Variants in MEI4 observed in about 807,000 individuals in gnomAD.
The protein encoded by MEI4 is meiotic double-stranded break formation protein 4, also known as meiosis-specific protein MEI4.
A neutral mutation model predicts 31.4 loss-of-function variants in MEI4; 27 were observed. The ratio of observed to expected loss-of-function variants is 0.86; its 90% CI spans 0.63 to 1.19. MEI4 has a LOEUF of 1.19. Among genes scored for constraint, MEI4 ranks in the 50% most tolerant of loss-of-function variants. The probability of loss-of-function intolerance (pLI) is 0.00; values close to 1 mark genes in which losing one functional copy is unlikely to be tolerated. For missense variants in MEI4, 329 were observed against 398.9 expected (o/e 0.82, Z 1.49); for synonymous variants, 122 against 145.4 (o/e 0.84, Z 1.16).
chr6:77,801,381 C>A (rs1391717901), intron 3 of MEI4, among the ~76,000 whole-genome samples: 1 of 152,064 alleles, frequency 6.6e-6, no homozygotes, highest in Non-Finnish European at 1.5e-5. Context: ...TCTCTGTTTT[C>A]TTCTTTTTTA....
chr6:77,673,490 C>A (rs1768784742), intron 1 of MEI4, among the ~76,000 whole-genome samples: 1 of 152,208 alleles, frequency 6.6e-6, no homozygotes, highest in African/African-American at 2.4e-5. Context: ...GCCCTCTCTT[C>A]TGAAGGCTAG....
chr6:77,712,597 G>A (rs1766491273), intron 2 of MEI4, among the ~76,000 whole-genome samples: 1 of 152,176 alleles, frequency 6.6e-6, no homozygotes, highest in African/African-American at 2.4e-5. Context: ...ACTAATGAAT[G>A]ATCATAATCA....
intron 1 of MEI4, among the ~76,000 whole-genome samples, chr6:77,664,190 T>A (rs1768574798): frequency 6.6e-6 from 1 of 152,112 alleles, no homozygotes; most frequent in South Asian, 2.1e-4. Flanking sequence ...TTAAATCCTG[T>A]TGTGGGGTTT....
intron 3 of MEI4, among the ~76,000 whole-genome samples, chr6:77,771,156 C>T (rs1199667894): frequency 2.0e-5 from 3 of 152,028 alleles, no homozygotes; most frequent in African/African-American, 7.2e-5. Context: ...CAAAAGAAGA[C>T]ATACATGTGG....
intron 2 of MEI4, among the ~76,000 whole-genome samples, chr6:77,759,822 A>G (rs1274678949): frequency 6.6e-6 from 1 of 152,182 alleles, no homozygotes; most frequent in Admixed American, 6.5e-5. Flanking sequence ...TTCGCCTCAA[A>G]TAAGCCCTTC....
chr6:77,757,050 G>A (rs1444513209), intron 2 of MEI4, among the ~76,000 whole-genome samples: 3 of 152,276 alleles, frequency 2.0e-5, no homozygotes, highest in South Asian at 2.1e-4. Flanking sequence ...GAAGGTGATT[G>A]GACTTGGAAT....
chr6:77,746,745 A>T (rs1340443829), intron 2 of MEI4, among the ~76,000 whole-genome samples: 2 of 151,928 alleles, frequency 1.3e-5, no homozygotes, highest in Admixed American at 6.6e-5. Context: ...AATCAGGATA[A>T]CATAGTGCTT....
At chr6:77,916,482 T>A (rs866322179) in intron 4 of MEI4, among the ~76,000 whole-genome samples, 1 of 152,072 alleles carries the variant, frequency 6.6e-6, no homozygotes, top group Non-Finnish European at 1.5e-5. Context: ...TTGGTTGATG[T>A]TGATCAGATT....
chr6:77,830,106 A>C (rs2127711684), intron 4 of MEI4, among the ~76,000 whole-genome samples: 1 of 152,242 alleles, frequency 6.6e-6, no homozygotes, highest in Middle Eastern at 3.4e-3. Context: ...AGGAGTTCCA[A>C]GATCAAGGAA....
At chr6:77,793,973 C>A (rs1769008998) in intron 3 of MEI4, among the ~76,000 whole-genome samples, 1 of 152,020 alleles carries the variant, frequency 6.6e-6, no homozygotes, top group African/African-American at 2.4e-5. Context: ...GGATTAAATT[C>A]TTCAATCAAA....
At chr6:77,865,363 T>A (rs1770994981) in intron 4 of MEI4, among the ~76,000 whole-genome samples, 1 of 151,208 alleles carries the variant, frequency 6.6e-6, no homozygotes, top group Non-Finnish European at 1.5e-5. Flanking sequence ...GAGAGAAGAA[T>A]CAAATAGACG....
At chr6:77,749,776 A>G (rs1251724460) in intron 2 of MEI4, among the ~76,000 whole-genome samples, 1 of 152,186 alleles carries the variant, frequency 6.6e-6, no homozygotes, top group African/African-American at 2.4e-5. Context: ...GAACACCACA[A>G]AGATACTCCT....
At chr6:77,887,731 G>T (rs1460626209) in intron 4 of MEI4, among the ~76,000 whole-genome samples, 5 of 152,184 alleles carry the variant, frequency 3.3e-5, no homozygotes, top group African/African-American at 1.2e-4. Flanking sequence ...CTATGTGTTG[G>T]TTAGTATAAT....
chr6:77,873,665 A>G (rs865872209), intron 4 of MEI4, among the ~76,000 whole-genome samples: 32 of 152,330 alleles, frequency 2.1e-4, no homozygotes, highest in Non-Finnish European at 1.0e-4. Context: ...TGTTTTACAC[A>G]TGAAGTCCTT....
chr6:77,746,631 T>G (rs111250674), intron 2 of MEI4, among the ~76,000 whole-genome samples: 7 of 134,290 alleles, frequency 5.2e-5, no homozygotes, highest in Admixed American at 1.6e-4. Flanking sequence ...TTTCTTAAAA[T>G]ATATGGCGTG....
intron 3 of MEI4, among the ~76,000 whole-genome samples, chr6:77,786,008 C>T (rs943248684): frequency 3.3e-5 from 5 of 152,028 alleles, no homozygotes; most frequent in African/African-American, 1.2e-4. Flanking sequence ...CAGAGTTTTA[C>T]CTTGTTTTTG....
chr6:77,794,805 TA>T (rs1769035416), intron 3 of MEI4, among the ~76,000 whole-genome samples: 2 of 152,132 alleles, frequency 1.3e-5, no homozygotes, highest in Middle Eastern at 3.4e-3. Flanking sequence ...TTCAAGTCTA[TA>T]AAAAACTTTC....
At chr6:77,739,910 C>A (rs541229015) in intron 2 of MEI4, among the ~76,000 whole-genome samples, 1 of 152,220 alleles carries the variant, frequency 6.6e-6, no homozygotes, top group South Asian at 2.1e-4. Flanking sequence ...AAATTGAGAT[C>A]TTTCTAACTT....
chr6:77,675,703 T>C (rs1202093852), intron 1 of MEI4, among the ~76,000 whole-genome samples: 2 of 152,108 alleles, frequency 1.3e-5, no homozygotes, highest in Non-Finnish European at 2.9e-5. Context: ...TATGAGAGTT[T>C]AGGGAGGGAA....
Sources: allele counts gnomAD v4.1 joint callset (sites outside exome capture counted in the v4.1 genomes callset), GRCh38; gene constraint gnomAD v4.1.1; transcripts MANE v1.5; gene names NCBI Gene and HGNC (gene_info 2026-07-23, HGNC 2026-07-21).